CTNNA2: variants seen among roughly 807,000 people sequenced by gnomAD.
CTNNA2 encodes the protein catenin alpha 2.
Under a neutral mutation model 101.0 loss-of-function variants are expected in CTNNA2, and 42 were observed. The observed-to-expected ratio is 0.42, with a 90% confidence interval of 0.32 to 0.54. The LOEUF (loss-of-function observed/expected upper bound fraction) is 0.54, where lower values mean the gene tolerates loss of function less well. Among genes scored for constraint, CTNNA2 ranks in the 20% least tolerant of loss-of-function variants. CTNNA2 has a pLI of 0.14. For synonymous variants in CTNNA2, 450 were observed against 456.4 expected (o/e 0.99, Z 0.18); for missense variants, 871 against 1,223.1 (o/e 0.71, Z 4.29).
At chr2:80,364,140 C>G (rs192232911) in intron 7 of CTNNA2, among the ~76,000 whole-genome samples, 7 of 152,192 alleles carry the variant, frequency 4.6e-5, no homozygotes, top group African/African-American at 1.2e-4. Context: ...TTCAGGTCCT[C>G]GGAGACCCTT....
chr2:80,452,995 T>A (rs1433533497), intron 9 of CTNNA2, among the ~76,000 whole-genome samples: 1 of 152,050 alleles, frequency 6.6e-6, no homozygotes, highest in Non-Finnish European at 1.5e-5. Flanking sequence ...AGGCCAGGTA[T>A]AGCTGGGGTT....
chr2:80,175,766 A>G (rs1705355684), intron 7 of CTNNA2, among the ~76,000 whole-genome samples: 1 of 152,252 alleles, frequency 6.6e-6, no homozygotes, highest in South Asian at 2.1e-4. Flanking sequence ...AAAGTAGGGA[A>G]GCCAACAGTT....
At chr2:79,451,172 A>G (rs1345078010) in intron 4 of CTNNA2, among the ~76,000 whole-genome samples, 1 of 152,140 alleles carries the variant, frequency 6.6e-6, no homozygotes, top group Non-Finnish European at 1.5e-5. Flanking sequence ...TGAACAAAAC[A>G]CTACTCAAGG....
chr2:79,738,646 G>A (rs1671071624), intron 2 of CTNNA2, among the ~76,000 whole-genome samples: 1 of 152,138 alleles, frequency 6.6e-6, no homozygotes, highest in Non-Finnish European at 1.5e-5. Flanking sequence ...GATATTTCCA[G>A]GAGGAAGTGG....
At chr2:80,287,487 A>AGATATGCT (rs1431873895) in intron 7 of CTNNA2, among the ~76,000 whole-genome samples, 4 of 152,202 alleles carry the variant, frequency 2.6e-5, no homozygotes, top group African/African-American at 9.7e-5. Flanking sequence ...CATTGGTAAT[A>AGATATGCT]GATATGCTTG....
At chr2:80,549,049 A>C (rs985940784) in intron 11 of CTNNA2, among the ~76,000 whole-genome samples, 4 of 152,180 alleles carry the variant, frequency 2.6e-5, no homozygotes, top group African/African-American at 9.6e-5. Context: ...AAATGCAACA[A>C]GTTTGGGGAG....
rs192278638 is a variant in CTNNA2 at position 79,762,574 on chromosome 2, A to T, written c.298+17992A>T. Among the ~76,000 whole-genome samples the T allele has an allele frequency of 2.5e-4, 38 of 152,314 alleles. No homozygotes were observed. In the East Asian group the frequency reaches 5.8e-3, roughly 23 times the overall value. On this transcript the variant is annotated intron_variant, in intron 3 of 18. Coordinates refer to ENST00000402739, the MANE Select transcript of CTNNA2 (RefSeq NM_001282597.3). ...AGAGATTAAAGAGCAAAGATAAAAT[A>T]AGTAATAGAAAAAAAATTGAAGATA...
At chr2:80,088,472 A>G (rs988138158) in intron 7 of CTNNA2, among the ~76,000 whole-genome samples, 5 of 152,118 alleles carry the variant, frequency 3.3e-5, no homozygotes, top group Admixed American at 2.6e-4. Context: ...ACTAAATACT[A>G]TGGGTTTAGC....
chr2:79,785,718 G>A (rs548428206), intron 3 of CTNNA2, among the ~76,000 whole-genome samples: 16 of 152,208 alleles, frequency 1.1e-4, no homozygotes, highest in Admixed American at 6.5e-4. Context: ...AGAAGTGCCT[G>A]ACACACAGCT....
At chr2:80,016,306 C>A (rs1235900163) in intron 7 of CTNNA2, among the ~76,000 whole-genome samples, 1 of 152,126 alleles carries the variant, frequency 6.6e-6, no homozygotes, top group Non-Finnish European at 1.5e-5. Flanking sequence ...AGAGAGTCAG[C>A]TTTGGAAGGC....
intron 2 of CTNNA2, among the ~76,000 whole-genome samples, chr2:79,666,243 T>C (rs1319328600): frequency 6.6e-6 from 1 of 152,222 alleles, no homozygotes; most frequent in Non-Finnish European, 1.5e-5. Context: ...GTTTCAAAAA[T>C]GTAAAATCAT....
intron 9 of CTNNA2, among the ~76,000 whole-genome samples, chr2:80,435,190 C>G (rs1282283799): frequency 6.6e-6 from 1 of 152,184 alleles, no homozygotes; most frequent in Non-Finnish European, 1.5e-5. Context: ...AATCACTTCT[C>G]TATAATCTTT....
intron 2 of CTNNA2, among the ~76,000 whole-genome samples, chr2:79,248,510 G>T (rs1572998162): frequency 6.6e-6 from 1 of 151,962 alleles, no homozygotes; most frequent in Non-Finnish European, 1.5e-5. Flanking sequence ...CACATTTCCA[G>T]TGCTGGATGG....
At chr2:79,273,629 G>C (rs1675139224) in intron 2 of CTNNA2, among the ~76,000 whole-genome samples, 1 of 151,972 alleles carries the variant, frequency 6.6e-6, no homozygotes, top group South Asian at 2.1e-4. Context: ...TGATGATTCT[G>C]GTTTTCTGAA....
At chr2:79,409,763 G>A (rs75143936) in intron 4 of CTNNA2, among the ~76,000 whole-genome samples, 1 of 146,868 alleles carries the variant, frequency 6.8e-6, no homozygotes, top group East Asian at 2.0e-4. Context: ...TTTTGGCTTA[G>A]GATTGACTTG....
intron 1 of CTNNA2, among the ~76,000 whole-genome samples, chr2:79,559,510 T>A (rs531011617): frequency 2.0e-5 from 3 of 151,928 alleles, no homozygotes; most frequent in African/African-American, 7.2e-5. Flanking sequence ...TGCAGAGACA[T>A]AGTTGAGTAA....
intron 7 of CTNNA2, among the ~76,000 whole-genome samples, chr2:80,389,899 A>T (rs1436022989): frequency 6.6e-6 from 1 of 152,200 alleles, no homozygotes; most frequent in Non-Finnish European, 1.5e-5. Context: ...GATCACAAAT[A>T]TTACACAAAC....
chr2:79,782,750 T>C (rs1444628971), intron 3 of CTNNA2, among the ~76,000 whole-genome samples: 1 of 152,178 alleles, frequency 6.6e-6, no homozygotes, highest in Non-Finnish European at 1.5e-5. Context: ...TAGGGTAGAA[T>C]GCAGCAGCTA....
At chr2:79,842,995 A>G (rs1679943203) in intron 3 of CTNNA2, among the ~76,000 whole-genome samples, 1 of 152,190 alleles carries the variant, frequency 6.6e-6, no homozygotes, top group African/African-American at 2.4e-5. Context: ...GATTTGTACA[A>G]TGCTGCCATT....
Sources: gnomAD v4.1 joint callset for allele counts (sites outside exome capture counted in the v4.1 genomes callset) on GRCh38, gnomAD v4.1.1 for gene constraint, MANE v1.5 for transcripts, NCBI Gene and HGNC (gene_info 2026-07-23, HGNC 2026-07-21) for gene names.